DSCAM: variants seen among roughly 807,000 people sequenced by gnomAD.
The protein encoded by DSCAM is cell adhesion molecule DSCAM.
A neutral mutation model predicts 217.7 loss-of-function variants in DSCAM; 47 were observed. The ratio of observed to expected loss-of-function variants is 0.22; its 90% CI spans 0.17 to 0.28. The LOEUF is 0.28. DSCAM is among the 10% of genes least tolerant of loss of function. The pLI is 1.00. For missense variants in DSCAM, 2,080 were observed against 2,618.3 expected (o/e 0.79, Z 4.49); for synonymous variants, 1,056 against 1,015.3 (o/e 1.04, Z -0.76).
chr21:40,759,231 T>C (rs2091306347), intron 1 of DSCAM, among the ~76,000 whole-genome samples: 2 of 152,016 alleles, frequency 1.3e-5, no homozygotes, highest in African/African-American at 2.4e-5. Flanking sequence ...GTCCCCAGGC[T>C]CTCAGCCTCC....
intron 11 of DSCAM, among the ~76,000 whole-genome samples, chr21:40,250,344 A>G (rs1168921980): frequency 6.6e-6 from 1 of 152,202 alleles, no homozygotes; most frequent in Non-Finnish European, 1.5e-5. Context: ...AGGGAGATGA[A>G]GGCTACTTCC....
chr21:40,423,785 G>C (rs901038724), intron 3 of DSCAM, among the ~76,000 whole-genome samples: 1 of 152,044 alleles, frequency 6.6e-6, no homozygotes. Context: ...AACACATGTG[G>C]GCCATGATCA....
intron 3 of DSCAM, among the ~76,000 whole-genome samples, chr21:40,627,860 A>G (rs908734384): frequency 1.3e-5 from 2 of 152,140 alleles, no homozygotes; most frequent in African/African-American, 4.8e-5. Context: ...CCACCACCTA[A>G]GCATGCCATA....
chr21:40,374,056 A>AAAATCTC (rs1555910807), intron 3 of DSCAM, among the ~76,000 whole-genome samples: 1 of 151,254 alleles, frequency 6.6e-6, no homozygotes, highest in East Asian at 1.9e-4. Context: ...GTAAATTTCA[A>AAAATCTC]ATCACAAAAA....
At chr21:40,104,795 G>A (rs1415387441) in intron 20 of DSCAM, among the ~76,000 whole-genome samples, 1 of 152,156 alleles carries the variant, frequency 6.6e-6, no homozygotes, top group East Asian at 1.9e-4. Flanking sequence ...GTGCAGTAGG[G>A]GCAGGGGCAT....
At chr21:40,403,258 T>C (rs1368168870) in intron 3 of DSCAM, among the ~76,000 whole-genome samples, 1 of 152,162 alleles carries the variant, frequency 6.6e-6, no homozygotes, top group Non-Finnish European at 1.5e-5. Context: ...AGAATGTACA[T>C]TTTAAAAGAA....
chr21:40,745,203 A>G (rs2091162792), intron 1 of DSCAM, among the ~76,000 whole-genome samples: 1 of 152,160 alleles, frequency 6.6e-6, no homozygotes, highest in Admixed American at 6.5e-5. Flanking sequence ...GTAGTTCCCC[A>G]GGAGATAAAA....
At chr21:40,284,391 T>G (rs1169095562) in intron 10 of DSCAM, among the ~76,000 whole-genome samples, 1 of 152,204 alleles carries the variant, frequency 6.6e-6, no homozygotes, top group African/African-American at 2.4e-5. Context: ...AGATGCTGTA[T>G]GTTGATCTTT....
chr21:40,061,535 C>T (rs1317227156), intron 28 of DSCAM, among the ~76,000 whole-genome samples: 2 of 149,712 alleles, frequency 1.3e-5, no homozygotes, highest in East Asian at 3.9e-4. Context: ...CACCATTGCA[C>T]TCCAGCCTGG....
intron 23 of DSCAM, 104 bp downstream of exon 23, chr21:40,085,498 T>C (rs922493881): frequency 3.2e-5 from 33 of 1,033,098 alleles, no homozygotes; most frequent in Non-Finnish European, 4.2e-5. Context: ...AAACAGAAGT[T>C]AGCTCTTTAT....
intron 1 of DSCAM, among the ~76,000 whole-genome samples, chr21:40,802,108 A>T (rs1256728976): frequency 1.1e-4 from 16 of 152,050 alleles, no homozygotes; most frequent in Admixed American, 1.0e-3. Context: ...TGCATGGGCT[A>T]CACCAAGCAA....
At chr21:40,461,577 T>TGTCCCAATCCCCCCACAAATACGTTTGC (rs2075806159) in intron 3 of DSCAM, among the ~76,000 whole-genome samples, 2 of 152,214 alleles carry the variant, frequency 1.3e-5, no homozygotes, top group East Asian at 3.9e-4. Flanking sequence ...GGTAGAATAA[T>TGTCCCAATCCCCCCACAAATACGTTTGC]GTCCCAATCC....
chr21:40,703,032 T>C (rs1472633014), intron 2 of DSCAM, among the ~76,000 whole-genome samples: 2 of 152,212 alleles, frequency 1.3e-5, no homozygotes, highest in Non-Finnish European at 2.9e-5. Context: ...ATTGCAATTT[T>C]TTAAAAAATC....
In DSCAM at chr21:40,494,115, G is replaced by A. The variant is rs189907549; in HGVS notation, c.509-124870C>T. On this transcript the variant is annotated intron_variant, in intron 3 of 32. Transcript: ENST00000400454. ...AATCACCTAATCACAAAGGAAGACA[G>A]CAAGAGAGGAAGAAAGAAACAAAGG... is the stretch of plus-strand genomic sequence containing the variant. Among the ~76,000 whole-genome samples the A allele has an allele frequency of 1.4e-3, 215 of 152,072 alleles. 2 individuals carry two copies. The highest frequency in any genetic ancestry group is 5.0e-3 in the African/African-American group (206 of 41,486).
chr21:40,839,259 A>C (rs1424928673), intron 1 of DSCAM, among the ~76,000 whole-genome samples: 6 of 152,198 alleles, frequency 3.9e-5, no homozygotes, highest in African/African-American at 1.4e-4. Flanking sequence ...TTAAAACCCC[A>C]GAGTTTGAGA....
chr21:40,674,632 C>CTTTTTTTTTTTTTTTTTT (rs869046725), intron 3 of DSCAM, among the ~76,000 whole-genome samples: 1 of 51,996 alleles, frequency 1.9e-5, no homozygotes, highest in African/African-American at 6.4e-5. Context: ...TTTTCTTTTT[C>CTTTTTTTTTTTTTTTTTT]TTTTTTTTTT....
At chr21:40,270,829 G>A (rs2073606493) in intron 11 of DSCAM, among the ~76,000 whole-genome samples, 1 of 152,186 alleles carries the variant, frequency 6.6e-6, no homozygotes, top group South Asian at 2.1e-4. Flanking sequence ...ATGCTACCGG[G>A]ACTGGAGATT....
intron 3 of DSCAM, among the ~76,000 whole-genome samples, chr21:40,393,863 A>G (rs989747497): frequency 6.6e-6 from 1 of 152,204 alleles, no homozygotes; most frequent in Admixed American, 6.5e-5. Flanking sequence ...GCTTTAATAC[A>G]TCATTTTAAT....
At chr21:40,748,871 C>T (rs560495167) in intron 1 of DSCAM, among the ~76,000 whole-genome samples, 23 of 152,052 alleles carry the variant, frequency 1.5e-4, no homozygotes, top group Non-Finnish European at 2.8e-4. Flanking sequence ...ATGACACTGG[C>T]GTAAAAACAG....
Sources: gnomAD v4.1 joint callset for allele counts (sites outside exome capture counted in the v4.1 genomes callset) on GRCh38, gnomAD v4.1.1 for gene constraint, MANE v1.5 for transcripts, NCBI Gene and HGNC (gene_info 2026-07-23, HGNC 2026-07-21) for gene names.